TMEM178B: variants seen among roughly 807,000 people sequenced by gnomAD.
TMEM178B encodes transmembrane protein 178B.
Under a neutral mutation model 31.0 loss-of-function variants are expected in TMEM178B, and 5 were observed. The observed-to-expected ratio is 0.16, with a 90% CI of 0.08 to 0.34. The LOEUF (loss-of-function observed/expected upper bound fraction) is 0.34, where lower values mean the gene tolerates loss of function less well. TMEM178B is among the 10% of genes least tolerant of loss of function. The pLI is 1.00. For missense variants in TMEM178B, 275 were observed against 400.3 expected (o/e 0.69, Z 2.67); for synonymous variants, 164 against 164.0 (o/e 1.00, Z 0.00).
At chr7:141,462,057 A>AG (rs1802068146) in intron 3 of TMEM178B, among the ~76,000 whole-genome samples, 1 of 152,178 alleles carries the variant, frequency 6.6e-6, no homozygotes, top group African/African-American at 2.4e-5. Context: ...ACTTTCAAGC[A>AG]GGGATTCACT....
chr7:141,272,928 A>G lies in TMEM178B; in HGVS notation c.496+60224A>G, dbSNP rs149980186. 5.9e-5 allele frequency among the ~76,000 whole-genome samples: 9 copies of G among 152,328 alleles called. No individual in the cohort carries two copies. The East Asian group carries it at 1.3e-3, about 23-fold the overall frequency. ...AAGAGATATCCACACTTCCATTTTT[A>G]TTACAGTATTATTCACACTAGCCGA... is the stretch of plus-strand genomic sequence containing the variant. On this transcript the variant is annotated intron_variant, in intron 2 of 3. Coordinates refer to ENST00000565468, the MANE Select transcript of TMEM178B (RefSeq NM_001195278.2).
At chr7:141,441,551 G>GCT (rs1370353809) in intron 3 of TMEM178B, among the ~76,000 whole-genome samples, 1 of 152,226 alleles carries the variant, frequency 6.6e-6, no homozygotes, top group Non-Finnish European at 1.5e-5. Context: ...TTAAAATGGG[G>GCT]CTACAAGTGA....
chr7:141,276,545 A>G (rs1432571267), intron 2 of TMEM178B, among the ~76,000 whole-genome samples: 1 of 152,116 alleles, frequency 6.6e-6, no homozygotes, highest in African/African-American at 2.4e-5. Context: ...TTATAAAACC[A>G]TCAGATCTCA....
intron 1 of TMEM178B, among the ~76,000 whole-genome samples, chr7:141,177,437 A>G (rs1205258670): frequency 1.3e-5 from 2 of 152,014 alleles, no homozygotes; most frequent in African/African-American, 4.8e-5. Context: ...TGGGGTGGAG[A>G]GTTCTGTAGA....
chr7:141,470,266 A>G (rs1191417364), intron 3 of TMEM178B, among the ~76,000 whole-genome samples: 3 of 152,186 alleles, frequency 2.0e-5, no homozygotes, highest in Non-Finnish European at 4.4e-5. Flanking sequence ...TCTATTTAGC[A>G]TCTTCCCAAA....
At chr7:141,145,807 C>T (rs929716591) in intron 1 of TMEM178B, among the ~76,000 whole-genome samples, 6 of 152,206 alleles carry the variant, frequency 3.9e-5, no homozygotes, top group Non-Finnish European at 8.8e-5. Context: ...AGAGCTGCTA[C>T]GTGCTGAGCT....
intron 2 of TMEM178B, chr7:141,429,847 A>G (rs879833895): frequency 1.3e-5 from 2 of 152,250 alleles, no homozygotes; most frequent in Non-Finnish European, 2.9e-5. Flanking sequence ...TGAAAAATAT[A>G]TAATTACATT....
intron 1 of TMEM178B, among the ~76,000 whole-genome samples, chr7:141,123,961 C>T (rs928346866): frequency 2.0e-5 from 3 of 152,130 alleles, no homozygotes; most frequent in Admixed American, 1.3e-4. Flanking sequence ...CGCCATGTTG[C>T]CCAGGCTGGT....
intron 2 of TMEM178B, among the ~76,000 whole-genome samples, chr7:141,343,028 T>C (rs1799545601): frequency 1.3e-5 from 2 of 152,172 alleles, no homozygotes; most frequent in African/African-American, 4.8e-5. Context: ...AAAACACAGA[T>C]TGCTTGGCCC....
intron 2 of TMEM178B, among the ~76,000 whole-genome samples, chr7:141,223,379 A>AGAT (rs1270695210): frequency 6.6e-6 from 1 of 151,984 alleles, no homozygotes; most frequent in East Asian, 1.9e-4. Flanking sequence ...GGCAGAGCTA[A>AGAT]GATGTTTGGG....
intron 2 of TMEM178B, among the ~76,000 whole-genome samples, chr7:141,243,014 A>G (rs192015863): frequency 4.0e-5 from 6 of 151,892 alleles, no homozygotes; most frequent in Admixed American, 3.9e-4. Flanking sequence ...CACAAAGTCT[A>G]TTTTTTAAAT....
At chr7:141,401,536 C>A (rs1024619346) in intron 2 of TMEM178B, among the ~76,000 whole-genome samples, 2 of 152,204 alleles carry the variant, frequency 1.3e-5, no homozygotes, top group African/African-American at 4.8e-5. Flanking sequence ...CTGCCTCAGC[C>A]TCCCAAGTAG....
At chr7:141,458,146 A>G (rs559098393) in intron 3 of TMEM178B, among the ~76,000 whole-genome samples, 37 of 152,242 alleles carry the variant, frequency 2.4e-4, no homozygotes, top group African/African-American at 8.9e-4. Flanking sequence ...TTGAGATGAA[A>G]TCTCACTCTG....
intron 1 of TMEM178B, among the ~76,000 whole-genome samples, chr7:141,091,511 A>G (rs183002383): frequency 1.3e-5 from 2 of 152,210 alleles, no homozygotes; most frequent in Non-Finnish European, 2.9e-5. Flanking sequence ...TTTATTACAC[A>G]TATCTTTAGT....
intron 1 of TMEM178B, among the ~76,000 whole-genome samples, chr7:141,211,563 C>T (rs564435006): frequency 2.6e-5 from 4 of 152,222 alleles, no homozygotes; most frequent in African/African-American, 9.6e-5. Flanking sequence ...CTTTAAAAAT[C>T]ACCCCTTTCC....
intron 1 of TMEM178B, among the ~76,000 whole-genome samples, chr7:141,206,708 G>A (rs1157924287): frequency 3.3e-5 from 5 of 152,036 alleles, no homozygotes; most frequent in East Asian, 3.9e-4. Context: ...GCCAGCCCCG[G>A]GTCCTTTACA....
intron 1 of TMEM178B, among the ~76,000 whole-genome samples, chr7:141,121,350 TC>T (rs1397410810): frequency 1.3e-5 from 2 of 152,206 alleles, no homozygotes; most frequent in African/African-American, 4.8e-5. Flanking sequence ...AGTATTGTTT[TC>T]CAAACACCCA....
intron 2 of TMEM178B, among the ~76,000 whole-genome samples, chr7:141,417,102 A>G (rs999968793): frequency 9.9e-5 from 15 of 152,200 alleles, no homozygotes; most frequent in African/African-American, 3.6e-4. Flanking sequence ...TTCCTGGCAC[A>G]TAGTAAGTGC....
At chr7:141,483,780 G>A (rs1802516454), downstream of TMEM178B, among the ~76,000 whole-genome samples, 1 of 149,072 alleles carries the variant, frequency 6.7e-6, no homozygotes, top group African/African-American at 2.5e-5. Flanking sequence ...CTGTCGCCCA[G>A]GCTGGAGTGC....
Sources: allele counts gnomAD v4.1 joint callset (sites outside exome capture counted in the v4.1 genomes callset), GRCh38; gene constraint gnomAD v4.1.1; transcripts MANE v1.5; gene names NCBI Gene and HGNC (gene_info 2026-07-23, HGNC 2026-07-21).